EPHB1: variants seen among roughly 807,000 people sequenced by gnomAD.
EPHB1 encodes the protein EPH receptor B1, also known as ephrin type-B receptor 1.
Under a neutral mutation model 94.4 loss-of-function variants are expected in EPHB1, and 30 were observed. The observed-to-expected ratio is 0.32, with a 90% CI of 0.24 to 0.43. EPHB1 has a LOEUF of 0.43. EPHB1 is among the 20% of genes least tolerant of loss of function. EPHB1 has a pLI of 1.00. For synonymous variants in EPHB1, 522 were observed against 489.1 expected, an observed-to-expected ratio of 1.07 and a Z score of -0.89; for missense variants, 1,055 against 1,308.3, an observed-to-expected ratio of 0.81 and a Z score of 2.99.
intron 12 of EPHB1, among the ~76,000 whole-genome samples, chr3:135,217,305 A>G (rs907972790): frequency 6.6e-6 from 1 of 152,140 alleles, no homozygotes; most frequent in Non-Finnish European, 1.5e-5. Context: ...ACCAGGGACC[A>G]GCAGTGCTAT....
At chr3:135,254,675 CTTT>C (rs547722996) in intron 15 of EPHB1, among the ~76,000 whole-genome samples, 1 of 142,702 alleles carries the variant, frequency 7.0e-6, no homozygotes, top group East Asian at 2.2e-4. Flanking sequence ...CTAAAATTCT[CTTT>C]TTTTTGTGTG....
intron 3 of EPHB1, among the ~76,000 whole-genome samples, chr3:135,087,213 C>T (rs1938390623): frequency 6.6e-6 from 1 of 152,124 alleles, no homozygotes; most frequent in South Asian, 2.1e-4. Flanking sequence ...TGAACCGATA[C>T]ATTTTTAGCC....
chr3:135,234,474 A>G (rs542820959), intron 12 of EPHB1, among the ~76,000 whole-genome samples: 4 of 152,302 alleles, frequency 2.6e-5, no homozygotes, highest in African/African-American at 9.6e-5. Flanking sequence ...AAACTGTTCC[A>G]ACCTCTGCCT....
At chr3:134,881,257 T>G (rs1268062189) in intron 1 of EPHB1, among the ~76,000 whole-genome samples, 8 of 151,986 alleles carry the variant, frequency 5.3e-5, no homozygotes, top group African/African-American at 1.9e-4. Flanking sequence ...AGTGTAGGTG[T>G]GTGTTTCATG....
chr3:135,093,122 C>T (rs1033912525), intron 3 of EPHB1, among the ~76,000 whole-genome samples: 2 of 152,162 alleles, frequency 1.3e-5, no homozygotes, highest in African/African-American at 2.4e-5. Context: ...GAAAGTGCTC[C>T]CCAGATGTGT....
intron 3 of EPHB1, among the ~76,000 whole-genome samples, chr3:135,056,869 C>T (rs1937364389): frequency 6.6e-6 from 1 of 152,062 alleles, no homozygotes; most frequent in Admixed American, 6.5e-5. Context: ...GCGGTGAGCC[C>T]CAAGGGCTGC....
intron 1 of EPHB1, among the ~76,000 whole-genome samples, chr3:134,842,395 C>T (rs2036794003): frequency 6.6e-6 from 1 of 152,232 alleles, no homozygotes; most frequent in Non-Finnish European, 1.5e-5. Flanking sequence ...GCCTCACCCC[C>T]TTCACTCTTC....
At chr3:134,916,350 T>C (rs1390747416) in intron 1 of EPHB1, among the ~76,000 whole-genome samples, 1 of 152,212 alleles carries the variant, frequency 6.6e-6, no homozygotes, top group African/African-American at 2.4e-5. Flanking sequence ...CCGCGCTGTG[T>C]GCCTGCACTC....
chr3:134,930,840 T>G (rs1359849524), intron 2 of EPHB1, among the ~76,000 whole-genome samples: 2 of 152,188 alleles, frequency 1.3e-5, no homozygotes, highest in African/African-American at 2.4e-5. Context: ...TTTTTAAGCC[T>G]GTGGGGCTTT....
At chr3:135,210,995 C>T (rs1348500322) in intron 12 of EPHB1, among the ~76,000 whole-genome samples, 2 of 152,200 alleles carry the variant, frequency 1.3e-5, no homozygotes, top group Non-Finnish European at 2.9e-5. Context: ...CATGTACAGG[C>T]AGAGATGGGC....
At chr3:135,090,099 T>G (rs1269298579) in intron 3 of EPHB1, among the ~76,000 whole-genome samples, 1 of 152,210 alleles carries the variant, frequency 6.6e-6, no homozygotes, top group African/African-American at 2.4e-5. Context: ...ATAAATGATC[T>G]CAGGAGAGAA....
Position 135,106,455 on chromosome 3 carries a change from T to C in EPHB1, c.813T>C (p.Pro271=). ...GGTCTCTTTGTGTTCTAGCTTGCCC[T>C]GCAGGGACATTCAAGGCCAGCCAGG... The part of the protein sequence containing the change: ...PENSVACKAC[P]AGTFKASQEA... The change falls in exon 4 of 16, where the codon CCT becomes CCC. Residue 271 remains proline, a synonymous_variant. Coordinates refer to ENST00000398015, the MANE Select transcript of EPHB1 (RefSeq NM_004441.5). The C allele has an allele frequency of 1.9e-6, 3 of 1,614,012 alleles. No individual in the cohort carries two copies. The highest frequency in any genetic ancestry group is 2.5e-6 in the Non-Finnish European group (3 of 1,179,886).
intron 3 of EPHB1, among the ~76,000 whole-genome samples, chr3:134,983,366 T>G (rs1934480654): frequency 6.6e-6 from 1 of 152,272 alleles, no homozygotes; most frequent in East Asian, 1.9e-4. Context: ...GTGCAACTAG[T>G]TGTGAGCACA....
intron 4 of EPHB1, 33 bp downstream of exon 4, chr3:135,106,636 G>C: frequency 2.5e-6 from 4 of 1,608,752 alleles, no homozygotes; most frequent in Non-Finnish European, 3.4e-6. Flanking sequence ...GGGCTGGGGA[G>C]TTTGGTTCCC....
intron 1 of EPHB1, among the ~76,000 whole-genome samples, chr3:134,898,255 A>G (rs1048157524): frequency 6.6e-6 from 1 of 152,156 alleles, no homozygotes. Flanking sequence ...TCCAAATATC[A>G]TTCCTATAAA....
At chr3:134,903,979 C>T (rs924802446) in intron 1 of EPHB1, among the ~76,000 whole-genome samples, 2 of 152,172 alleles carry the variant, frequency 1.3e-5, no homozygotes, top group African/African-American at 4.8e-5. Flanking sequence ...TGTGCAGCGG[C>T]AGTGCAAGCA....
chr3:134,945,448 T>C (rs1480727681), intron 2 of EPHB1, among the ~76,000 whole-genome samples: 1 of 152,192 alleles, frequency 6.6e-6, no homozygotes, highest in Non-Finnish European at 1.5e-5. Flanking sequence ...TTCTTTTTTT[T>C]CCAGATGGGC....
intron 3 of EPHB1, among the ~76,000 whole-genome samples, chr3:135,007,963 G>C (rs893954910): frequency 1.3e-5 from 2 of 152,222 alleles, no homozygotes; most frequent in Non-Finnish European, 2.9e-5. Flanking sequence ...GGGGATGGCC[G>C]AGGCCCCAGC....
At position 135,165,558 on chromosome 3, in the gene EPHB1, ACT is replaced by A. The variant is rs562891064; in HGVS notation, c.1586-407_1586-406del. 7.2e-5 allele frequency among the ~76,000 whole-genome samples: 11 copies of A among 152,302 alleles called. No homozygotes were observed. The South Asian group carries it at 2.1e-3, about 29-fold the overall frequency. The stretch of plus-strand genomic sequence containing the variant: ...AAGTATCTGCTCAATGAATCTATTG[ACT>A]CTGTGCCATTTCATAACTTCATGCT... On this transcript the variant is annotated intron_variant, in intron 7 of 15. Coordinates refer to ENST00000398015, the MANE Select transcript of EPHB1 (RefSeq NM_004441.5).
Sources: gnomAD v4.1 joint callset for allele counts (sites outside exome capture counted in the v4.1 genomes callset) on GRCh38, gnomAD v4.1.1 for gene constraint, MANE v1.5 for transcripts, NCBI Gene and HGNC (gene_info 2026-07-23, HGNC 2026-07-21) for gene names.